Variants in UNC13C observed in about 807,000 individuals in gnomAD.
The protein encoded by UNC13C is unc-13 homolog C.
A neutral mutation model predicts 245.4 loss-of-function variants in UNC13C; 174 were observed. That is an observed-to-expected ratio of 0.71 (90% CI 0.63 to 0.80). UNC13C has a LOEUF of 0.80. Among genes scored for constraint, UNC13C ranks in the 30% least tolerant of loss-of-function variants. The pLI is 0.00. For missense variants in UNC13C, 2,829 were observed against 2,602.9 expected, an observed-to-expected ratio of 1.09 and a Z score of -1.89; for synonymous variants, 992 against 895.1, an observed-to-expected ratio of 1.11 and a Z score of -1.93.
intron 19 of UNC13C, among the ~76,000 whole-genome samples, chr15:54,439,502 T>C (rs1335649551): frequency 6.6e-6 from 1 of 151,998 alleles, no homozygotes; most frequent in Non-Finnish European, 1.5e-5. Flanking sequence ...AATTTTAAAT[T>C]TTAAATTACC....
chr15:54,201,824 C>G (rs2034532968), intron 4 of UNC13C, among the ~76,000 whole-genome samples: 1 of 151,870 alleles, frequency 6.6e-6, no homozygotes, highest in Non-Finnish European at 1.5e-5. Flanking sequence ...AGAAATCAGA[C>G]AAGAGAAGGA....
intron 24 of UNC13C, among the ~76,000 whole-genome samples, chr15:54,524,715 T>C (rs1337831786): frequency 1.3e-5 from 2 of 152,186 alleles, no homozygotes; most frequent in East Asian, 1.9e-4. Context: ...ATTCTTAGAT[T>C]CTCTTACTTA....
the UNC13C span, among the ~76,000 whole-genome samples, chr15:53,938,992 A>G: frequency 6.6e-6 from 1 of 152,310 alleles, no homozygotes; most frequent in East Asian, 1.9e-4. Flanking sequence ...AGAAATAATC[A>G]GGATCAGAGT....
chr15:54,113,265 A>G lies in UNC13C; in HGVS notation c.2984-29753A>G, dbSNP rs75940487. On this transcript the variant is annotated intron_variant, in intron 2 of 32. Transcript: ENST00000260323. ...GAGAGAAAAGAAAGAATGCTACTGCATCCCCTCTGTGTAGCTTTATGGCAT... is the reference window on the plus strand; with the variant it reads ...GAGAGAAAAGAAAGAATGCTACTGCGTCCCCTCTGTGTAGCTTTATGGCAT... 3.5e-3 allele frequency among the ~76,000 whole-genome samples: 538 copies of G among 152,328 alleles called. 5 individuals carry two copies. The highest frequency in any genetic ancestry group is 0.013 in the African/African-American group (521 of 41,564).
At chr15:54,523,458 T>C (rs1895313138) in intron 24 of UNC13C, among the ~76,000 whole-genome samples, 1 of 152,218 alleles carries the variant, frequency 6.6e-6, no homozygotes, top group African/African-American at 2.4e-5. Flanking sequence ...CATACCTATG[T>C]ATCCAGAAAT....
the UNC13C span, among the ~76,000 whole-genome samples, chr15:53,879,214 T>A: frequency 1.1e-4 from 16 of 152,208 alleles, no homozygotes; most frequent in African/African-American, 1.7e-4. Context: ...CAGGCTGCAG[T>A]GCAATAGCAC....
intron 13 of UNC13C, among the ~76,000 whole-genome samples, chr15:54,303,625 CTTT>C (rs55751740): frequency 4.2e-5 from 6 of 142,500 alleles, no homozygotes; most frequent in Non-Finnish European, 6.1e-5. Flanking sequence ...AAGTATTTTT[CTTT>C]TTTTTTTTTT....
At chr15:54,228,423 G>T (rs2035456874) in intron 4 of UNC13C, among the ~76,000 whole-genome samples, 1 of 151,984 alleles carries the variant, frequency 6.6e-6, no homozygotes, top group Non-Finnish European at 1.5e-5. Flanking sequence ...AGCAGAATGG[G>T]TCTCTCCCCA....
At chr15:54,210,357 G>A (rs925082719) in intron 4 of UNC13C, among the ~76,000 whole-genome samples, 2 of 151,452 alleles carry the variant, frequency 1.3e-5, no homozygotes, top group South Asian at 4.2e-4. Context: ...GATGATTAAT[G>A]TTCCCATATA....
chr15:53,978,031 G>T (rs1893768466), upstream of UNC13C, among the ~76,000 whole-genome samples: 2 of 152,192 alleles, frequency 1.3e-5, no homozygotes, highest in South Asian at 4.1e-4. Flanking sequence ...GCTGCATTTG[G>T]TGGCTAATAG....
intron 4 of UNC13C, among the ~76,000 whole-genome samples, chr15:54,219,526 G>T (rs1301555918): frequency 1.4e-5 from 2 of 148,142 alleles, no homozygotes; most frequent in South Asian, 4.3e-4. Flanking sequence ...TACCATTCAG[G>T]ACATAGGCAT....
downstream of UNC13C, chr15:54,628,685 T>C (rs1339716695): frequency 6.6e-6 from 1 of 152,442 alleles, no homozygotes; most frequent in Non-Finnish European, 1.5e-5. Context: ...CAGGCTCTTT[T>C]GACCATATGT....
the UNC13C span, among the ~76,000 whole-genome samples, chr15:53,932,726 C>G: frequency 6.6e-6 from 1 of 151,982 alleles, no homozygotes; most frequent in Admixed American, 6.6e-5. Flanking sequence ...TTTTCTTATT[C>G]ATTTCACTCT....
chr15:53,921,785 TA>T, the UNC13C span, among the ~76,000 whole-genome samples: 55 of 152,346 alleles, frequency 3.6e-4, no homozygotes, highest in Non-Finnish European at 7.1e-4. Flanking sequence ...TATAGCACTT[TA>T]AATTTTCTAA....
intron 4 of UNC13C, among the ~76,000 whole-genome samples, chr15:54,218,014 G>A (rs1313601591): frequency 6.6e-6 from 1 of 151,948 alleles, no homozygotes; most frequent in Non-Finnish European, 1.5e-5. Flanking sequence ...GCCAGAACTA[G>A]TTCTAGGAAA....
the UNC13C span, among the ~76,000 whole-genome samples, chr15:53,959,234 T>C: frequency 6.6e-6 from 1 of 152,278 alleles, no homozygotes; most frequent in South Asian, 2.1e-4. Context: ...CTATTGTAAA[T>C]AGTGCTGCAA....
Position 54,333,982 on chromosome 15 carries a change from C to G in UNC13C, c.4584+126C>G, listed in dbSNP as rs973486097. 12 of 633,102 alleles carry G rather than the reference C, an allele frequency of 1.9e-5. No homozygotes were observed. The East Asian group carries it at 3.4e-4, about 18-fold the overall frequency. The allele number at this position is 633,102 out of a possible 1,614,324, so 39.2% of individuals were successfully genotyped here. A position where few individuals can be genotyped will look rare whatever the true frequency, so the allele number is the denominator to read the frequency against. ...AACTCCATCGATTAAGCTGTACTAT[C>G]TTTGCCTGAACTCGATGAATCTTCC... On this transcript the variant is annotated intron_variant, in intron 16 of 32. Transcript: ENST00000260323.
chr15:54,449,348 C>T lies in UNC13C; in HGVS notation c.4933+34281C>T, dbSNP rs565086969. Among the ~76,000 whole-genome samples, 14 of 152,246 alleles carry T rather than the reference C, an allele frequency of 9.2e-5. No homozygotes were observed. The South Asian group carries it at 1.0e-3, about 11-fold the overall frequency. On this transcript the variant is annotated intron_variant, in intron 19 of 32. Coordinates refer to ENST00000260323, the MANE Select transcript of UNC13C (RefSeq NM_001080534.3). Reference sequence around the variant, plus strand: ...CCTTGCTAGGTTGGGGAAGTTCTCCCGGATAATATCCTGCACAGTGTTTTC... The same window carrying T: ...CCTTGCTAGGTTGGGGAAGTTCTCCTGGATAATATCCTGCACAGTGTTTTC...
chr15:54,618,812 C>A (rs1351956812), intron 30 of UNC13C, among the ~76,000 whole-genome samples: 1 of 152,060 alleles, frequency 6.6e-6, no homozygotes, highest in Non-Finnish European at 1.5e-5. Flanking sequence ...CACAGTAATA[C>A]AGGACTATGA....
Sources: gnomAD v4.1 joint callset for allele counts (sites outside exome capture counted in the v4.1 genomes callset) on GRCh38, gnomAD v4.1.1 for gene constraint, MANE v1.5 for transcripts, NCBI Gene and HGNC (gene_info 2026-07-23, HGNC 2026-07-21) for gene names.